ARHGEF18: variants seen among roughly 807,000 people sequenced by gnomAD.
ARHGEF18 encodes the protein Rho/Rac guanine nucleotide exchange factor 18.
In ARHGEF18, 93 loss-of-function variants were observed where a neutral mutation model predicts 155.7. That is an observed-to-expected ratio of 0.60 (90% confidence interval 0.50 to 0.71). ARHGEF18 has a LOEUF of 0.71. Among genes scored for constraint, ARHGEF18 ranks in the 30% least tolerant of loss-of-function variants. ARHGEF18 has a pLI of 0.00. For synonymous variants in ARHGEF18, 742 were observed against 753.1 expected (o/e 0.99, Z 0.24); for missense variants, 1,593 against 1,816.1 (o/e 0.88, Z 2.23).
intron 3 of ARHGEF18, among the ~76,000 whole-genome samples, chr19:7,375,432 GAAGAAAAGAAAAGA>G (rs1344952773): frequency 6.6e-6 from 1 of 151,406 alleles, no homozygotes; most frequent in Middle Eastern, 3.2e-3. Flanking sequence ...AGAAAGGAAG[GAAGAAAAGAAAAGA>G]AAGAAAAGAA....
intron 15 of ARHGEF18, among the ~76,000 whole-genome samples, chr19:7,448,819 G>A (rs1160547868): frequency 6.6e-6 from 1 of 152,064 alleles, no homozygotes; most frequent in East Asian, 1.9e-4. Context: ...AGTCAAGGGA[G>A]ACCCCACCTC....
chr19:7,458,473 G>C, intron 18 of ARHGEF18, 39 bp from the exon 19 acceptor site: 1 of 1,595,316 alleles, frequency 6.3e-7, no homozygotes, highest in Non-Finnish European at 8.6e-7. Flanking sequence ...GGTGCTGTGG[G>C]GTAAAGGGTG....
chr19:7,399,773 C>CT (rs776187441), intron 10 of ARHGEF18, among the ~76,000 whole-genome samples: 14,141 of 136,056 alleles, frequency 0.1, 2,344 homozygotes, highest in African/African-American at 0.35. Flanking sequence ...GCCACCACGC[C>CT]TTTTTTTTTT....
intron 2 of ARHGEF18, among the ~76,000 whole-genome samples, chr19:7,368,019 G>A (rs183515768): frequency 0.056 from 4,459 of 79,390 alleles, 550 homozygotes; most frequent in African/African-American, 0.2. Context: ...GGGAGGGAGG[G>A]CGGAAGGAAG....
chr19:7,466,645 A>G (rs1336722583), intron 23 of ARHGEF18, among the ~76,000 whole-genome samples: 1 of 151,544 alleles, frequency 6.6e-6, no homozygotes, highest in Non-Finnish European at 1.5e-5. Flanking sequence ...TCTACTAAAA[A>G]TACACAAAAT....
rs895643625 is a variant in ARHGEF18, at chr19:7,471,738, G to T, written c.*1440G>T. 6.6e-6 allele frequency: 1 copy of T among 152,302 alleles called. No homozygotes were observed. The highest frequency in any genetic ancestry group is 1.5e-5 in the Non-Finnish European group (1 of 68,114). 9.4% of individuals were successfully genotyped at this position (152,302 alleles called of 1,614,324 possible). On this transcript the variant is annotated 3_prime_UTR_variant, in exon 29 of 29. Coordinates refer to ENST00000668164, the MANE Select transcript of ARHGEF18 (RefSeq NM_001367823.1). The surrounding 1 kb of genome is among the most constrained non-coding windows in gnomAD (Gnocchi z 4.4). Reference sequence around the variant, plus strand: ...AGGAAGTGCTCCCCTGGGCAGAGGCGCCCACTGGGTGCTGTGGGCTCAGGA... The same window carrying T: ...AGGAAGTGCTCCCCTGGGCAGAGGCTCCCACTGGGTGCTGTGGGCTCAGGA...
chr19:7,392,438 G>A (rs550253229), intron 10 of ARHGEF18, among the ~76,000 whole-genome samples: 14 of 151,726 alleles, frequency 9.2e-5, no homozygotes, highest in South Asian at 8.3e-4. Context: ...AGTGGCTCAC[G>A]CCTGTAATCC....
intron 18 of ARHGEF18, among the ~76,000 whole-genome samples, chr19:7,457,292 G>A (rs1251531796): frequency 4.6e-5 from 7 of 150,556 alleles, no homozygotes; most frequent in Non-Finnish European, 8.8e-5. Flanking sequence ...TTGTTAGAAG[G>A]ATGCCAGTCA....
At chr19:7,477,384 C>A, downstream of ARHGEF18, 2 of 1,548,700 alleles carry the variant, frequency 1.3e-6, no homozygotes, top group Admixed American at 2.0e-5. Context: ...AGTGACAGCG[C>A]CTCCGACTGC....
intron 3 of ARHGEF18, among the ~76,000 whole-genome samples, chr19:7,375,365 G>A: frequency 7.2e-6 from 1 of 139,498 alleles, no homozygotes; most frequent in Non-Finnish European, 1.6e-5. Flanking sequence ...AAGGAAGGAA[G>A]GAAGGAAGGA....
intron 1 of ARHGEF18, among the ~76,000 whole-genome samples, chr19:7,358,717 T>A (rs1240256349): frequency 4.6e-5 from 7 of 152,218 alleles, no homozygotes; most frequent in Non-Finnish European, 5.9e-5. Flanking sequence ...CAGCTCTACC[T>A]CATACCAGAT....
At chr19:7,384,217 G>T (rs1029030254) in intron 10 of ARHGEF18, among the ~76,000 whole-genome samples, 1 of 152,162 alleles carries the variant, frequency 6.6e-6, no homozygotes, top group African/African-American at 2.4e-5. Flanking sequence ...CCTGTGCATT[G>T]TAGGATATTT....
Position 7,440,533 on chromosome 19 carries a change from G to A in ARHGEF18, c.1106+51G>A, listed in dbSNP as rs1266455450. The A allele has an allele frequency of 3.2e-6, 5 of 1,550,250 alleles. No homozygotes were observed. The highest frequency in any genetic ancestry group is 3.5e-6 in the Non-Finnish European group (4 of 1,153,542). On this transcript the variant is annotated intron_variant, in intron 11 of 28. Coordinates refer to ENST00000668164, the MANE Select transcript of ARHGEF18 (RefSeq NM_001367823.1). This position sits in a 1 kb window ranked among gnomAD's most constrained non-coding sequence, Gnocchi z 5.4. Reference sequence around the variant, plus strand: ...TCGGGTGGGTGGTGGCATTCCCCGGGGAGCTGTTGACAGCCTCTTCGGAGG... The same window carrying A: ...TCGGGTGGGTGGTGGCATTCCCCGGAGAGCTGTTGACAGCCTCTTCGGAGG...
chr19:7,447,198 A>C (rs751740015), intron 15 of ARHGEF18, 30 bp downstream of exon 15: 1 of 1,576,572 alleles, frequency 6.3e-7, no homozygotes, highest in South Asian at 1.1e-5. Flanking sequence ...TTAATCAAAA[A>C]CTTATATTCT....
chr19:7,421,306 C>G (rs79004148), intron 10 of ARHGEF18, among the ~76,000 whole-genome samples: 8,872 of 152,214 alleles, frequency 0.058, 810 homozygotes, highest in African/African-American at 0.2. Context: ...AGTCAGCCCT[C>G]TGCAGCCACA....
At chr19:7,384,808 C>A (rs1970916715) in intron 10 of ARHGEF18, among the ~76,000 whole-genome samples, 1 of 151,962 alleles carries the variant, frequency 6.6e-6, no homozygotes, top group Non-Finnish European at 1.5e-5. Flanking sequence ...CCTCCCACCT[C>A]CTCCTCCCGA....
chr19:7,453,607 TC>T lies in ARHGEF18; in HGVS notation c.1998del (p.Ser667AlafsTer34). On this transcript the variant is annotated frameshift_variant, in exon 17 of 29. Coordinates refer to ENST00000668164, the MANE Select transcript of ARHGEF18 (RefSeq NM_001367823.1). LOFTEE classifies it high-confidence loss of function. Reference protein sequence around the residue: ...EIAGKMDLKSSSKLKNGLTFR... With the variant: ...EIAGKMDLKSXSKLKNGLTFR... ...CGCAGGGAAGATGGACCTGAAGTCT[TC>T]CAGCAAACTCAAGAACGGGCTCACC... 6.2e-7 allele frequency: 1 copy of T among 1,613,564 alleles called. No homozygotes were observed. Among genetic ancestry groups the T allele is most frequent in the Non-Finnish European group, 8.5e-7 (1 of 1,179,610 alleles).
At chr19:7,387,853 C>T (rs1244108743) in intron 10 of ARHGEF18, among the ~76,000 whole-genome samples, 3 of 151,764 alleles carry the variant, frequency 2.0e-5, no homozygotes, top group Non-Finnish European at 2.9e-5. Flanking sequence ...TTAGTAGAGA[C>T]GGGGTTTCAC....
intron 10 of ARHGEF18, among the ~76,000 whole-genome samples, chr19:7,387,552 G>C (rs1347304795): frequency 6.6e-6 from 1 of 152,036 alleles, no homozygotes; most frequent in African/African-American, 2.4e-5. Flanking sequence ...ACAAATATTT[G>C]GTGACACACA....
Sources: allele counts gnomAD v4.1 joint callset (sites outside exome capture counted in the v4.1 genomes callset), GRCh38; gene constraint gnomAD v4.1.1; non-coding constraint Gnocchi (gnomAD v3.1); transcripts MANE v1.5; gene names NCBI Gene and HGNC (gene_info 2026-07-23, HGNC 2026-07-21).